The following GALNT7 variants were observed in gnomAD, a reference collection of about 807,000 sequenced individuals.
The protein encoded by GALNT7 is N-acetylgalactosaminyltransferase 7.
GALNT7 carries 60 observed loss-of-function variants against 82.1 expected under a neutral mutation model. The ratio of observed to expected loss-of-function variants is 0.73; its 90% CI spans 0.59 to 0.91. GALNT7 has a LOEUF of 0.91. Among genes scored for constraint, GALNT7 ranks in the 40% least tolerant of loss-of-function variants. The pLI, the probability that GALNT7 is intolerant of heterozygous loss-of-function variation, is 0.00. For missense variants in GALNT7, 660 were observed against 804.2 expected (o/e 0.82, Z 2.17); for synonymous variants, 243 against 275.1 (o/e 0.88, Z 1.15).
chr4:173,258,966 T>C (rs1349048150), intron 2 of GALNT7, among the ~76,000 whole-genome samples: 1 of 152,234 alleles, frequency 6.6e-6, no homozygotes, highest in Non-Finnish European at 1.5e-5. Flanking sequence ...AGATAATTCT[T>C]TGTTGACAGT....
intron 2 of GALNT7, among the ~76,000 whole-genome samples, chr4:173,270,663 T>C (rs965929879): frequency 5.3e-5 from 8 of 152,234 alleles, no homozygotes; most frequent in African/African-American, 1.9e-4. Flanking sequence ...ATTAAACATA[T>C]TTACTCAGTA....
intron 1 of GALNT7, among the ~76,000 whole-genome samples, chr4:173,229,199 A>G (rs1345859005): frequency 3.3e-5 from 5 of 152,144 alleles, no homozygotes; most frequent in African/African-American, 1.2e-4. Context: ...TGAGTATATC[A>G]TTTCCTGCAT....
intron 1 of GALNT7, among the ~76,000 whole-genome samples, chr4:173,235,425 A>G (rs1734186945): frequency 6.6e-6 from 1 of 152,162 alleles, no homozygotes; most frequent in Admixed American, 6.5e-5. Context: ...CCTTCCTTCT[A>G]CAGGCACTTT....
intron 1 of GALNT7, among the ~76,000 whole-genome samples, chr4:173,187,946 A>G (rs1187089593): frequency 6.6e-6 from 1 of 152,150 alleles, no homozygotes; most frequent in Non-Finnish European, 1.5e-5. Flanking sequence ...TAGTCATTGC[A>G]TAGTTGGACT....
intron 2 of GALNT7, among the ~76,000 whole-genome samples, chr4:173,270,961 T>C (rs1735700192): frequency 6.6e-6 from 1 of 152,244 alleles, no homozygotes. Flanking sequence ...AACCAGCTGA[T>C]ATCAGAAGGG....
chr4:173,197,474 C>G (rs987488752), intron 1 of GALNT7, among the ~76,000 whole-genome samples: 2 of 152,176 alleles, frequency 1.3e-5, no homozygotes, highest in Non-Finnish European at 2.9e-5. Flanking sequence ...TCTTTCTCTT[C>G]TTTCTGAAAT....
intron 1 of GALNT7, among the ~76,000 whole-genome samples, chr4:173,246,631 A>G (rs1469887777): frequency 6.6e-6 from 1 of 152,216 alleles, no homozygotes; most frequent in African/African-American, 2.4e-5. Flanking sequence ...CGATCCCTTG[A>G]CTACTAATTT....
chr4:173,284,734 A>G (rs1358175849), intron 2 of GALNT7, among the ~76,000 whole-genome samples: 1 of 152,038 alleles, frequency 6.6e-6, no homozygotes, highest in Non-Finnish European at 1.5e-5. Context: ...AAAAAAAACA[A>G]CAACAAAAAA....
chr4:173,262,622 A>G (rs536291980), intron 2 of GALNT7, among the ~76,000 whole-genome samples: 21 of 152,304 alleles, frequency 1.4e-4, no homozygotes, highest in African/African-American at 4.3e-4. Context: ...TTCATGTTCA[A>G]AAAACTTCCA....
At chr4:173,200,253 C>T (rs1370539549) in intron 1 of GALNT7, among the ~76,000 whole-genome samples, 3 of 151,880 alleles carry the variant, frequency 2.0e-5, no homozygotes, top group African/African-American at 7.3e-5. Flanking sequence ...AATTTTATGC[C>T]AAGAGAATGA....
In GALNT7 at chr4:173,305,653, CTG is replaced by C. The variant is rs566829503; in HGVS notation, c.1389+1539_1389+1540del. Among the ~76,000 whole-genome samples, 5 of 152,152 alleles carry C rather than the reference CTG, an allele frequency of 3.3e-5. No homozygotes were observed. In the East Asian group the frequency reaches 7.7e-4, roughly 23 times the overall value. ...TCTAGTTTTCCATTTATTGAAGAGA[CTG>C]TGTTTTCCCTCATGTGTTCTCAGCA... On this transcript the variant is annotated intron_variant, in intron 8 of 11. Coordinates refer to ENST00000265000, the MANE Select transcript of GALNT7 (RefSeq NM_017423.3).
chr4:173,247,589 G>A (rs567911687), intron 1 of GALNT7, among the ~76,000 whole-genome samples: 5 of 152,018 alleles, frequency 3.3e-5, no homozygotes, highest in South Asian at 2.1e-4. Context: ...TATCACACAC[G>A]GTACAACTGG....
chr4:173,241,910 G>T, intron 1 of GALNT7, among the ~76,000 whole-genome samples: 1 of 152,138 alleles, frequency 6.6e-6, no homozygotes, highest in East Asian at 1.9e-4. Flanking sequence ...ACTTGTAACT[G>T]CAGTTACCAT....
chr4:173,284,808 A>G (rs1221680732), intron 2 of GALNT7, among the ~76,000 whole-genome samples: 1 of 152,140 alleles, frequency 6.6e-6, no homozygotes, highest in East Asian at 1.9e-4. Flanking sequence ...GCATTAGTCT[A>G]CTATTAATGT....
At chr4:173,260,037 TCAAAGA>T (rs1179471186) in intron 2 of GALNT7, among the ~76,000 whole-genome samples, 1 of 152,318 alleles carries the variant, frequency 6.6e-6, no homozygotes, top group East Asian at 1.9e-4. Context: ...TTATTAACCT[TCAAAGA>T]CAATTTTACA....
chr4:173,189,288 A>G (rs1732551681), intron 1 of GALNT7, among the ~76,000 whole-genome samples: 1 of 152,216 alleles, frequency 6.6e-6, no homozygotes, highest in African/African-American at 2.4e-5. Context: ...ATCTTGCTAC[A>G]TTGCCACAGA....
intron 1 of GALNT7, among the ~76,000 whole-genome samples, chr4:173,174,109 G>T (rs889349090): frequency 2.6e-5 from 4 of 152,136 alleles, no homozygotes; most frequent in African/African-American, 9.7e-5. Context: ...ATACACCTTA[G>T]GATTGGTTTT....
intron 1 of GALNT7, among the ~76,000 whole-genome samples, chr4:173,184,365 G>A (rs187035501): frequency 1.9e-3 from 285 of 152,224 alleles, no homozygotes; most frequent in Non-Finnish European, 3.5e-3. Flanking sequence ...GGGAGGCTGA[G>A]GCTGGCAGAT....
At chr4:173,194,698 G>A (rs892839164) in intron 1 of GALNT7, among the ~76,000 whole-genome samples, 7 of 152,034 alleles carry the variant, frequency 4.6e-5, no homozygotes, top group Non-Finnish European at 8.8e-5. Context: ...GTGCAGGTTT[G>A]TTACATATGT....
Sources: gnomAD v4.1 joint callset for allele counts (sites outside exome capture counted in the v4.1 genomes callset) on GRCh38, gnomAD v4.1.1 for gene constraint, MANE v1.5 for transcripts, NCBI Gene and HGNC (gene_info 2026-07-23, HGNC 2026-07-21) for gene names.